PDE4D: variants seen among roughly 807,000 people sequenced by gnomAD.
The protein encoded by PDE4D is 3',5'-cyclic-AMP phosphodiesterase 4D.
Under a neutral mutation model 87.4 loss-of-function variants are expected in PDE4D, and 24 were observed. The observed-to-expected ratio is 0.27, with a 90% confidence interval of 0.20 to 0.39. PDE4D has a LOEUF of 0.39. Ranked by LOEUF, PDE4D falls within the 10% of genes least tolerant of loss-of-function variation. PDE4D has a pLI of 1.00. For missense variants in PDE4D, 714 were observed against 1,041.0 expected, an observed-to-expected ratio of 0.69 and a Z score of 4.32; for synonymous variants, 384 against 383.2, an observed-to-expected ratio of 1.00 and a Z score of -0.02.
At chr5:60,179,335 A>T (rs1203775578) in intron 2 of PDE4D, among the ~76,000 whole-genome samples, 1 of 152,140 alleles carries the variant, frequency 6.6e-6, no homozygotes, top group Non-Finnish European at 1.5e-5. Context: ...TTTTTCAACA[A>T]TAAAAGTAAA....
chr5:59,561,729 A>T (rs1044691231), intron 1 of PDE4D, among the ~76,000 whole-genome samples: 2 of 152,066 alleles, frequency 1.3e-5, no homozygotes, highest in African/African-American at 2.4e-5. Flanking sequence ...CAGGAGTTTG[A>T]GACCAGCCTG....
intron 1 of PDE4D, among the ~76,000 whole-genome samples, chr5:59,649,349 C>A (rs558770833): frequency 6.6e-6 from 1 of 152,132 alleles, no homozygotes; most frequent in Non-Finnish European, 1.5e-5. Flanking sequence ...TGGGAACGTG[C>A]TTGCATGCAG....
chr5:59,209,194 T>G (rs1749512079), intron 2 of PDE4D, among the ~76,000 whole-genome samples: 1 of 152,174 alleles, frequency 6.6e-6, no homozygotes, highest in Admixed American at 6.5e-5. Context: ...TAATCATTTT[T>G]TTTTGTCTTG....
rs558123605 is a variant in PDE4D, at chr5:60,045,252, C to G, written c.43-56535G>C. ...AATTTGTTTGAGTTCATTGTAGATT[C>G]TGGATATTAGCCCTTTGTCAGATGA... On this transcript the variant is annotated intron_variant, in intron 2 of 16. Transcript: ENST00000502484. Among the ~76,000 whole-genome samples the G allele has an allele frequency of 7.2e-5, 11 of 151,990 alleles. 1 individual carries two copies. The East Asian group carries it at 1.9e-3, about 27-fold the overall frequency.
chr5:59,352,450 C>G (rs1780673436), intron 1 of PDE4D, among the ~76,000 whole-genome samples: 1 of 152,128 alleles, frequency 6.6e-6, no homozygotes, highest in Non-Finnish European at 1.5e-5. Context: ...TATTGATTCA[C>G]TGGTGGCATT....
At chr5:59,168,070 C>CA (rs1369522199) in intron 5 of PDE4D, among the ~76,000 whole-genome samples, 33 of 151,598 alleles carry the variant, frequency 2.2e-4, no homozygotes, top group African/African-American at 6.3e-4. Context: ...AAAGGAACCA[C>CA]AAAAAAACAA....
Position 60,321,842 on chromosome 5 carries a change from T to C in PDE4D, c.-89-136155A>G, listed in dbSNP as rs533713865. Among the ~76,000 whole-genome samples, 48 of 151,770 alleles carry C rather than the reference T, an allele frequency of 3.2e-4. 1 individual carries two copies. The highest frequency in any genetic ancestry group is 8.7e-4 in the African/African-American group (36 of 41,436). On this transcript the variant is annotated intron_variant, in intron 1 of 16. Transcript: ENST00000502484. ...AATGCAAATCAAAACCACAATAAGA[T>C]ACTATCTCACACCAGTCAGAATGGC... is the stretch of plus-strand genomic sequence containing the variant.
intron 1 of PDE4D, among the ~76,000 whole-genome samples, chr5:59,726,699 T>C (rs910168479): frequency 1.3e-5 from 2 of 152,118 alleles, no homozygotes; most frequent in African/African-American, 4.8e-5. Context: ...ATCGTTTTAG[T>C]TATAAATTTA....
intron 1 of PDE4D, among the ~76,000 whole-genome samples, chr5:59,767,606 C>A (rs1381107720): frequency 6.6e-6 from 1 of 151,988 alleles, no homozygotes; most frequent in East Asian, 1.9e-4. Flanking sequence ...AAAAGATTGG[C>A]AAAATGTTCT....
At chr5:59,979,334 ATAT>A (rs1487920155) in intron 3 of PDE4D, among the ~76,000 whole-genome samples, 1 of 145,726 alleles carries the variant, frequency 6.9e-6, no homozygotes, top group East Asian at 2.0e-4. Flanking sequence ...TATATTCTAA[ATAT>A]TATTTATATA....
At chr5:59,010,804 G>C (rs1362099641) in intron 6 of PDE4D, among the ~76,000 whole-genome samples, 1 of 152,094 alleles carries the variant, frequency 6.6e-6, no homozygotes, top group Non-Finnish European at 1.5e-5. Flanking sequence ...GGATCTCCCA[G>C]CATGAAGTTT....
chr5:58,977,110 T>TAATA (rs1163697071), intron 12 of PDE4D, 81 bp downstream of exon 12: 5 of 1,291,390 alleles, frequency 3.9e-6, no homozygotes, highest in Non-Finnish European at 5.4e-6. Context: ...TCCTTTTACC[T>TAATA]AATACTCATC....
chr5:59,004,110 T>C (rs898587828), intron 6 of PDE4D, among the ~76,000 whole-genome samples: 13 of 151,292 alleles, frequency 8.6e-5, no homozygotes, highest in African/African-American at 3.2e-4. Context: ...TGAATACATA[T>C]AGGCTAAATA....
chr5:59,186,470 T>C (rs1395565601), intron 3 of PDE4D, among the ~76,000 whole-genome samples: 3 of 152,216 alleles, frequency 2.0e-5, no homozygotes, highest in Non-Finnish European at 4.4e-5. Context: ...ATTTACTTAA[T>C]GCCTAGCATT....
At chr5:59,388,039 TG>T (rs1358492802) in intron 1 of PDE4D, among the ~76,000 whole-genome samples, 1 of 152,106 alleles carries the variant, frequency 6.6e-6, no homozygotes, top group Non-Finnish European at 1.5e-5. Flanking sequence ...TGAGATCATG[TG>T]GTGGTTGTCA....
At chr5:59,832,578 T>C (rs1390923062) in intron 1 of PDE4D, among the ~76,000 whole-genome samples, 1 of 152,078 alleles carries the variant, frequency 6.6e-6, no homozygotes, top group East Asian at 1.9e-4. Flanking sequence ...GTAGGATATA[T>C]ATGTGTAAGT....
chr5:59,612,644 G>C (rs1829154847), intron 1 of PDE4D, among the ~76,000 whole-genome samples: 1 of 152,134 alleles, frequency 6.6e-6, no homozygotes. Flanking sequence ...AATTTAAAAA[G>C]AAGAGGGGAT....
intron 6 of PDE4D, among the ~76,000 whole-genome samples, chr5:59,028,230 G>A (rs1381007321): frequency 3.9e-5 from 6 of 151,954 alleles, no homozygotes. Flanking sequence ...CTCCTTGAAG[G>A]ATGAAAATAA....
intron 1 of PDE4D, among the ~76,000 whole-genome samples, chr5:59,834,912 A>G (rs1741777962): frequency 1.3e-5 from 2 of 152,036 alleles, no homozygotes; most frequent in African/African-American, 2.4e-5. Context: ...ACATTTTACC[A>G]TCTACCATCT....
Sources: gnomAD v4.1 joint callset for allele counts (sites outside exome capture counted in the v4.1 genomes callset) on GRCh38, gnomAD v4.1.1 for gene constraint, MANE v1.5 for transcripts, NCBI Gene and HGNC (gene_info 2026-07-23, HGNC 2026-07-21) for gene names.